CEP128: variants seen among roughly 807,000 people sequenced by gnomAD.
The protein encoded by CEP128 is centrosomal protein 128kDa.
In CEP128, 132 loss-of-function variants were observed where a neutral mutation model predicts 156.7. The ratio of observed to expected loss-of-function variants is 0.84; its 90% CI spans 0.73 to 0.97. The LOEUF is 0.97. Among genes scored for constraint, CEP128 ranks in the 50% least tolerant of loss-of-function variants. CEP128 has a pLI of 0.00. For synonymous variants in CEP128, 469 were observed against 448.9 expected (o/e 1.04, Z -0.57); for missense variants, 1,252 against 1,281.9 (o/e 0.98, Z 0.36).
In CEP128 at chr14:80,478,915, C is replaced by T. The variant is rs768309564; in HGVS notation, c.*311-508G>A. ...GTTAGCTTTGTCACTCATTGTTCAA[C>T]AGCTTCTGTGATTTGTTGCTGATTA... On this transcript the variant is annotated intron_variant and NMD_transcript_variant, in intron 14 of 14. Transcript: ENST00000554502. Among the ~76,000 whole-genome samples the T allele has an allele frequency of 9.9e-5, 15 of 152,176 alleles. No individual in the cohort carries two copies. The South Asian group carries it at 1.7e-3, about 17-fold the overall frequency.
At chr14:80,516,458 C>G (rs528365509) in intron 23 of CEP128, among the ~76,000 whole-genome samples, 2 of 152,290 alleles carry the variant, frequency 1.3e-5, no homozygotes, top group South Asian at 2.1e-4. Context: ...CTAGCACTCC[C>G]TTGACAGCCC....
At chr14:80,645,631 T>C (rs1466667138) in intron 19 of CEP128, among the ~76,000 whole-genome samples, 1 of 152,064 alleles carries the variant, frequency 6.6e-6, no homozygotes, top group Non-Finnish European at 1.5e-5. Flanking sequence ...AAATACAAGG[T>C]GATATAGGCA....
chr14:80,487,124 G>A (rs1887183419), downstream of CEP128, among the ~76,000 whole-genome samples: 1 of 152,050 alleles, frequency 6.6e-6, no homozygotes, highest in Non-Finnish European at 1.5e-5. Flanking sequence ...CTGTATTCAG[G>A]AAACCCATCT....
chr14:80,619,639 T>G (rs1252068440), intron 19 of CEP128, among the ~76,000 whole-genome samples: 1 of 148,924 alleles, frequency 6.7e-6, no homozygotes, highest in Non-Finnish European at 1.5e-5. Context: ...GAGGCAGAGG[T>G]TGCAGCGAGC....
chr14:80,486,913 G>A (rs1887178639), downstream of CEP128, among the ~76,000 whole-genome samples: 3 of 152,126 alleles, frequency 2.0e-5, no homozygotes, highest in African/African-American at 7.2e-5. Context: ...ACCGGCCACT[G>A]CAAACACATG....
intron 21 of CEP128, among the ~76,000 whole-genome samples, chr14:80,557,649 T>C (rs1890492690): frequency 6.6e-6 from 1 of 152,324 alleles, no homozygotes; most frequent in South Asian, 2.1e-4. Flanking sequence ...GTGTACTTTC[T>C]AAATGGCCCA....
intron 13 of CEP128, among the ~76,000 whole-genome samples, chr14:80,821,600 T>TACATACACACAC (rs1430951231): frequency 1.2e-4 from 18 of 145,280 alleles, no homozygotes; most frequent in African/African-American, 4.6e-4. Flanking sequence ...CATACACACA[T>TACATACACACAC]ACACACACAC....
rs1428018661 is a variant in CEP128, at chr14:80,685,443, G to C, written c.2806+57632C>G. Among the ~76,000 whole-genome samples the C allele has an allele frequency of 4.6e-5, 7 of 152,110 alleles. 1 individual carries two copies. The highest frequency in any genetic ancestry group is 1.4e-4 in the African/African-American group (6 of 41,530). ...CAAAACACTGCTGAAATAAATTACA[G>C]ATGACACAAAGGAATGGAAAAACAT... On this transcript the variant is annotated intron_variant, in intron 19 of 24. Coordinates refer to ENST00000555265, the MANE Select transcript of CEP128 (RefSeq NM_152446.5).
intron 13 of CEP128, among the ~76,000 whole-genome samples, chr14:80,810,932 T>C (rs1430254644): frequency 1.3e-5 from 2 of 152,120 alleles, no homozygotes; most frequent in Admixed American, 6.5e-5. Context: ...TTCCTGATGC[T>C]CTCCCTCCCC....
At position 80,558,643 on chromosome 14, in the gene CEP128, G is replaced by A. The variant is rs201108351; in HGVS notation, c.2880+636C>T. On this transcript the variant is annotated intron_variant, in intron 21 of 24. Coordinates refer to ENST00000555265, the MANE Select transcript of CEP128 (RefSeq NM_152446.5). Reference sequence around the variant, plus strand: ...TTACCACGTTGGCCAGGCTGGTCTCGAACTCCTGACCTCAAATGATCCACC... The same window carrying A: ...TTACCACGTTGGCCAGGCTGGTCTCAAACTCCTGACCTCAAATGATCCACC... Among the ~76,000 whole-genome samples, 11 of 151,916 alleles carry A rather than the reference G, an allele frequency of 7.2e-5. 1 individual carries two copies. Among genetic ancestry groups the A allele is most frequent in the Middle Eastern group, 3.4e-3 (1 of 292 alleles).
At chr14:80,712,155 C>T (rs945848281) in intron 19 of CEP128, among the ~76,000 whole-genome samples, 3 of 151,970 alleles carry the variant, frequency 2.0e-5, no homozygotes, top group Non-Finnish European at 2.9e-5. Context: ...CACTAATGTT[C>T]GGATCTGCCT....
intron 19 of CEP128, among the ~76,000 whole-genome samples, chr14:80,626,470 CAAAAAAAAAA>C (rs60238276): frequency 1.1e-4 from 9 of 80,688 alleles, no homozygotes; most frequent in African/African-American, 3.9e-4. Flanking sequence ...GACTCCGTCT[CAAAAAAAAAA>C]AAAAAAAAAA....
At chr14:80,487,599 A>T (rs1271962376), downstream of CEP128, among the ~76,000 whole-genome samples, 3 of 152,084 alleles carry the variant, frequency 2.0e-5, no homozygotes, top group African/African-American at 7.2e-5. Flanking sequence ...CACCAAACCT[A>T]CTCCAAAATT....
intron 8 of CEP128, among the ~76,000 whole-genome samples, chr14:80,880,483 C>CA (rs1009117525): frequency 6.6e-6 from 1 of 151,702 alleles, no homozygotes; most frequent in African/African-American, 2.4e-5. Context: ...AACAATCAGA[C>CA]AAAAAAAGAA....
At chr14:80,953,983 C>T (rs1462301340) in intron 2 of CEP128, among the ~76,000 whole-genome samples, 1 of 151,932 alleles carries the variant, frequency 6.6e-6, no homozygotes, top group African/African-American at 2.4e-5. Flanking sequence ...AAAACAACAA[C>T]AAAAGCCCGG....
At chr14:80,817,878 A>G (rs547244506) in intron 13 of CEP128, among the ~76,000 whole-genome samples, 10 of 152,204 alleles carry the variant, frequency 6.6e-5, no homozygotes, top group South Asian at 2.1e-4. Context: ...GAAAAAAAAA[A>G]AAAGAAAGAA....
At chr14:80,840,790 AAAATTAT>A in intron 9 of CEP128, 22 bp from the exon 10 acceptor site, 1 of 1,448,376 alleles carries the variant, frequency 6.9e-7, no homozygotes, top group Non-Finnish European at 9.7e-7. Flanking sequence ...GAGGTGGAAA[AAAATTAT>A]CCCAAAATAT....
At chr14:80,596,819 C>CAAAA (rs57402112) in intron 19 of CEP128, among the ~76,000 whole-genome samples, 2,028 of 14,084 alleles carry the variant, frequency 0.14, 763 homozygotes, top group East Asian at 0.35. Context: ...GACACTGTCA[C>CAAAA]AAAAAAAAAA....
chr14:80,792,211 CAA>C (rs902926248), intron 14 of CEP128, among the ~76,000 whole-genome samples: 5 of 152,088 alleles, frequency 3.3e-5, no homozygotes, highest in African/African-American at 1.2e-4. Context: ...GGCATAAAAG[CAA>C]AGTCTTGAAG....
Sources: gnomAD v4.1 joint callset for allele counts (sites outside exome capture counted in the v4.1 genomes callset) on GRCh38, gnomAD v4.1.1 for gene constraint, MANE v1.5 for transcripts, NCBI Gene and HGNC (gene_info 2026-07-23, HGNC 2026-07-21) for gene names.